Variants in DLG2 observed in about 807,000 individuals in gnomAD.
The protein encoded by DLG2 is disks large homolog 2.
Under a neutral mutation model 132.5 loss-of-function variants are expected in DLG2, and 45 were observed. The observed-to-expected ratio is 0.34, with a 90% CI of 0.27 to 0.44. DLG2 has a LOEUF of 0.44. Ranked by LOEUF, DLG2 falls within the 20% of genes least tolerant of loss-of-function variation. The pLI is 1.00. For synonymous variants in DLG2, 424 were observed against 419.6 expected, an observed-to-expected ratio of 1.01 and a Z score of -0.13; for missense variants, 1,045 against 1,196.9, an observed-to-expected ratio of 0.87 and a Z score of 1.87.
At chr11:85,254,918 G>A (rs2076588412) in intron 4 of DLG2, among the ~76,000 whole-genome samples, 2 of 150,534 alleles carry the variant, frequency 1.3e-5, no homozygotes, top group African/African-American at 4.9e-5. Context: ...AGAATGGCGT[G>A]AACCCAGGAG....
chr11:85,137,236 AT>A (rs1371714156), intron 5 of DLG2, among the ~76,000 whole-genome samples: 2 of 152,138 alleles, frequency 1.3e-5, no homozygotes, highest in African/African-American at 2.4e-5. Flanking sequence ...AAATATAAGC[AT>A]GTTAATAATA....
rs192645075 is a variant in DLG2 at position 85,364,099 on chromosome 11, T to C, written c.41-78734A>G. 2.6e-5 allele frequency among the ~76,000 whole-genome samples: 4 copies of C among 152,318 alleles called. No homozygotes were observed. In the East Asian group the frequency reaches 5.8e-4, roughly 22 times the overall value. Reference sequence around the variant, plus strand: ...GGTTATAACAAGGTTCTTTCATTTCTGCAGTAATAAGCACCTTGGCTGAGG... The same window carrying C: ...GGTTATAACAAGGTTCTTTCATTTCCGCAGTAATAAGCACCTTGGCTGAGG... On this transcript the variant is annotated intron_variant, in intron 3 of 27. Coordinates refer to ENST00000376104, the MANE Select transcript of DLG2 (RefSeq NM_001142699.3).
chr11:85,443,193 G>C (rs1198553505), intron 3 of DLG2, among the ~76,000 whole-genome samples: 1 of 152,122 alleles, frequency 6.6e-6, no homozygotes. Flanking sequence ...ACTACAGCAC[G>C]ATTTCTCTGA....
chr11:83,889,793 A>T (rs2154084388), intron 15 of DLG2, among the ~76,000 whole-genome samples: 1 of 152,288 alleles, frequency 6.6e-6, no homozygotes, highest in South Asian at 2.1e-4. Context: ...AAAAACAGTG[A>T]GTTCATGTCC....
chr11:84,169,160 A>G (rs958290629), intron 8 of DLG2, among the ~76,000 whole-genome samples: 2 of 152,212 alleles, frequency 1.3e-5, no homozygotes, highest in Admixed American at 6.5e-5. Flanking sequence ...GGTTATTGCA[A>G]TGATTACATT....
At chr11:83,673,733 T>C (rs1445220307) in intron 18 of DLG2, among the ~76,000 whole-genome samples, 2 of 152,226 alleles carry the variant, frequency 1.3e-5, no homozygotes, top group African/African-American at 4.8e-5. Flanking sequence ...TCCAACTGTG[T>C]GAACAAGCCT....
At chr11:84,525,898 T>C (rs368103023) in intron 7 of DLG2, among the ~76,000 whole-genome samples, 1 of 152,172 alleles carries the variant, frequency 6.6e-6, no homozygotes, top group African/African-American at 2.4e-5. Flanking sequence ...TGCTAGAGTA[T>C]AGGGCAACCT....
chr11:83,844,242 T>TA (rs1020231138), intron 16 of DLG2, among the ~76,000 whole-genome samples: 34 of 151,256 alleles, frequency 2.2e-4, no homozygotes, highest in African/African-American at 7.0e-4. Flanking sequence ...GCTCATAGGG[T>TA]AAAAAAAAGG....
intron 6 of DLG2, among the ~76,000 whole-genome samples, chr11:85,063,410 T>C (rs1331251837): frequency 6.6e-6 from 1 of 151,870 alleles, no homozygotes; most frequent in Non-Finnish European, 1.5e-5. Flanking sequence ...CTTTTTTCTA[T>C]TTTCCCAATA....
intron 15 of DLG2, among the ~76,000 whole-genome samples, chr11:83,892,243 C>G (rs111484268): frequency 6.6e-6 from 1 of 152,248 alleles, no homozygotes; most frequent in Non-Finnish European, 1.5e-5. Context: ...AAATGCAATG[C>G]TTTCTAAGAT....
chr11:84,101,810 G>A (rs1434159448), intron 9 of DLG2, among the ~76,000 whole-genome samples: 1 of 152,132 alleles, frequency 6.6e-6, no homozygotes, highest in African/African-American at 2.4e-5. Flanking sequence ...TAGGGAAGGA[G>A]GCAAGCAGAG....
rs1422889083 is a variant in DLG2 at position 83,767,353 on chromosome 11, C to T, written c.1825+19337G>A. Among the ~76,000 whole-genome samples the T allele has an allele frequency of 2.0e-5, 3 of 152,118 alleles. No homozygotes were observed. In the East Asian group the frequency reaches 5.8e-4, roughly 29 times the overall value. On this transcript the variant is annotated intron_variant, in intron 18 of 27. Transcript: ENST00000376104. The stretch of plus-strand genomic sequence containing the variant: ...ATTTGATTAGAGAATTATCCCATCA[C>T]CTGGGATTACAGTTATAATTCAATT...
rs202183321 is a variant in DLG2, at chr11:83,874,517, T to A, written c.1497-29A>T. ...CAAGAAAAGACAGAAGAAACACACATCATTTATTTATTTTTTATTTTTTTA... is the reference window on the plus strand; with the variant it reads ...CAAGAAAAGACAGAAGAAACACACAACATTTATTTATTTTTTATTTTTTTA... On this transcript the variant is annotated intron_variant, in intron 15 of 27. Coordinates refer to ENST00000376104, the MANE Select transcript of DLG2 (RefSeq NM_001142699.3). 84 of 1,530,860 alleles carry A rather than the reference T, an allele frequency of 5.5e-5. No homozygotes were observed. The African/African-American group carries it at 1.1e-3, about 19-fold the overall frequency. 94.8% of individuals were successfully genotyped at this position (1,530,860 alleles called of 1,614,324 possible). A position where few individuals can be genotyped will look rare whatever the true frequency, so the allele number is the denominator to read the frequency against.
At chr11:83,521,833 G>C (rs532167738) in intron 21 of DLG2, among the ~76,000 whole-genome samples, 1 of 151,824 alleles carries the variant, frequency 6.6e-6, no homozygotes, top group Non-Finnish European at 1.5e-5. Context: ...TCATCCCACC[G>C]TCCTTCCCTA....
At chr11:85,203,905 C>G (rs1444898324) in intron 4 of DLG2, among the ~76,000 whole-genome samples, 1 of 152,072 alleles carries the variant, frequency 6.6e-6, no homozygotes, top group East Asian at 1.9e-4. Context: ...CAACATAATA[C>G]ATCACATTAA....
chr11:84,095,203 A>G (rs899927575), intron 10 of DLG2, among the ~76,000 whole-genome samples: 1 of 152,130 alleles, frequency 6.6e-6, no homozygotes, highest in Admixed American at 6.5e-5. Context: ...GAGGAGAGGA[A>G]AAACTGCTTA....
chr11:85,507,302 G>C (rs982014042), intron 3 of DLG2, among the ~76,000 whole-genome samples: 1 of 152,148 alleles, frequency 6.6e-6, no homozygotes, highest in Non-Finnish European at 1.5e-5. Flanking sequence ...TTTCTTCCTA[G>C]CATCAGTGGT....
intron 8 of DLG2, among the ~76,000 whole-genome samples, chr11:84,205,545 A>C (rs2096654184): frequency 2.0e-5 from 2 of 98,672 alleles, no homozygotes; most frequent in South Asian, 8.3e-4. Flanking sequence ...TGAGAATAAC[A>C]GAATTAAATT....
chr11:84,955,465 C>T (rs532203939), intron 6 of DLG2: 57 of 152,172 alleles, frequency 3.7e-4, no homozygotes, highest in Non-Finnish European at 7.1e-4. Context: ...TTTATAGCCT[C>T]ACAATAAATT....
Sources: allele counts gnomAD v4.1 joint callset (sites outside exome capture counted in the v4.1 genomes callset), GRCh38; gene constraint gnomAD v4.1.1; transcripts MANE v1.5; gene names NCBI Gene and HGNC (gene_info 2026-07-23, HGNC 2026-07-21).